STPG2: variants seen among roughly 807,000 people sequenced by gnomAD.
STPG2 encodes sperm tail PG-rich repeat containing 2.
A neutral mutation model predicts 54.2 loss-of-function variants in STPG2; 56 were observed. The ratio of observed to expected loss-of-function variants is 1.03; its 90% CI spans 0.83 to 1.29. The LOEUF (loss-of-function observed/expected upper bound fraction) is 1.29. Ranked by LOEUF, STPG2 falls within the 50% of genes most tolerant of loss-of-function variation. The probability of loss-of-function intolerance (pLI) is 0.00; values close to 1 mark genes in which losing one functional copy is unlikely to be tolerated. For synonymous variants in STPG2, 200 were observed against 181.8 expected (o/e 1.10, Z -0.81); for missense variants, 596 against 544.9 (o/e 1.09, Z -0.93).
chr4:97,669,100 T>C (rs892763344), intron 10 of STPG2, among the ~76,000 whole-genome samples: 1 of 152,078 alleles, frequency 6.6e-6, no homozygotes. Context: ...AATGTATACT[T>C]GGCAAATAGA....
At chr4:97,894,090 G>T (rs1489783007) in intron 8 of STPG2, among the ~76,000 whole-genome samples, 3 of 151,954 alleles carry the variant, frequency 2.0e-5, no homozygotes, top group Admixed American at 6.6e-5. Context: ...ATACTTTGCA[G>T]AAATCTAGAT....
intron 4 of STPG2, among the ~76,000 whole-genome samples, chr4:97,547,297 G>C (rs113297179): frequency 6.6e-6 from 1 of 150,770 alleles, no homozygotes; most frequent in Non-Finnish European, 1.5e-5. Context: ...TGCAAGCTCC[G>C]CCTCCTGGGT....
At chr4:97,637,497 A>G (rs1269563284) in intron 10 of STPG2, among the ~76,000 whole-genome samples, 1 of 152,176 alleles carries the variant, frequency 6.6e-6, no homozygotes, top group African/African-American at 2.4e-5. Context: ...GGCCAGGGCA[A>G]TTAGGCAGGA....
At chr4:97,525,701 C>T (rs1175511377) in intron 4 of STPG2, among the ~76,000 whole-genome samples, 1 of 151,748 alleles carries the variant, frequency 6.6e-6, no homozygotes, top group Non-Finnish European at 1.5e-5. Flanking sequence ...AGAAATGAAA[C>T]CAGAATGTCT....
intron 6 of STPG2, among the ~76,000 whole-genome samples, chr4:97,978,941 C>G (rs764168576): frequency 9.2e-5 from 14 of 152,080 alleles, no homozygotes; most frequent in Non-Finnish European, 1.6e-4. Flanking sequence ...TGGGCCTTTT[C>G]ACTTAGACAA....
At chr4:97,919,817 G>A (rs1732029605) in intron 8 of STPG2, among the ~76,000 whole-genome samples, 1 of 152,088 alleles carries the variant, frequency 6.6e-6, no homozygotes, top group Admixed American at 6.6e-5. Context: ...TAAGAACCCA[G>A]AATACCTTGA....
At position 98,094,505 on chromosome 4, in the gene STPG2, C is replaced by A. The variant is rs139238811; in HGVS notation, c.612+11448G>T. On this transcript the variant is annotated intron_variant, in intron 5 of 10. Coordinates refer to ENST00000295268, the MANE Select transcript of STPG2 (RefSeq NM_174952.3). ...AAGGGGACTTTGTCTCGCACCAACT[C>A]GACCAGTGGAGTAGAGCAACAAGCA... 8.1e-3 allele frequency among the ~76,000 whole-genome samples: 1,228 copies of A among 152,288 alleles called. 11 individuals carry two copies. Among genetic ancestry groups the A allele is most frequent in the Non-Finnish European group, 0.014 (921 of 68,002 alleles).
chr4:98,022,469 C>T (rs1258743965), intron 5 of STPG2, among the ~76,000 whole-genome samples: 2 of 152,164 alleles, frequency 1.3e-5, no homozygotes, highest in Non-Finnish European at 2.9e-5. Context: ...TTCATTTCAA[C>T]TTTGGTGAAT....
chr4:98,063,725 A>C (rs1232868120), intron 5 of STPG2, among the ~76,000 whole-genome samples: 3 of 151,994 alleles, frequency 2.0e-5, no homozygotes, highest in Non-Finnish European at 4.4e-5. Flanking sequence ...TAAAATAATA[A>C]TAACAAAAAT....
intron 5 of STPG2, among the ~76,000 whole-genome samples, chr4:98,105,410 C>A (rs544663957): frequency 6.6e-6 from 1 of 152,068 alleles, no homozygotes; most frequent in Non-Finnish European, 1.5e-5. Context: ...TTCCTCAGAG[C>A]GGCTGAGGGT....
chr4:98,033,008 C>A (rs561887760), intron 5 of STPG2, among the ~76,000 whole-genome samples: 2 of 152,014 alleles, frequency 1.3e-5, no homozygotes, highest in Non-Finnish European at 2.9e-5. Context: ...AAAATCAACA[C>A]CCTAACATCA....
chr4:97,613,645 T>C (rs1733788364), intron 10 of STPG2, among the ~76,000 whole-genome samples: 1 of 151,998 alleles, frequency 6.6e-6, no homozygotes, highest in African/African-American at 2.4e-5. Context: ...TTCTGCTTCA[T>C]TTGTTAAATC....
rs190734947 is a variant in STPG2, at chr4:97,945,172, T to C, written c.934-1165A>G. Among the ~76,000 whole-genome samples, 41 of 152,222 alleles carry C rather than the reference T, an allele frequency of 2.7e-4. 1 individual carries two copies. Among genetic ancestry groups the C allele is most frequent in the Admixed American group, 1.8e-3 (28 of 15,262 alleles). On this transcript the variant is annotated intron_variant, in intron 7 of 10. Coordinates refer to ENST00000295268, the MANE Select transcript of STPG2 (RefSeq NM_174952.3). ...CACCCATCACCCACGTAGTGTACAT[T>C]GTACCCAATAAGTAGTTTTTTATCC...
intron 8 of STPG2, among the ~76,000 whole-genome samples, chr4:97,852,499 T>C (rs1034355753): frequency 6.6e-6 from 1 of 152,190 alleles, no homozygotes; most frequent in African/African-American, 2.4e-5. Context: ...GGCATTTCTC[T>C]GTATTCTTTA....
At chr4:98,023,951 C>G (rs111350525) in intron 5 of STPG2, among the ~76,000 whole-genome samples, 2 of 152,256 alleles carry the variant, frequency 1.3e-5, no homozygotes, top group African/African-American at 2.4e-5. Flanking sequence ...CTTTGACTAG[C>G]AAAGGGAACT....
intron 8 of STPG2, among the ~76,000 whole-genome samples, chr4:97,858,987 T>C (rs906341095): frequency 1.3e-5 from 2 of 152,220 alleles, no homozygotes; most frequent in Admixed American, 1.3e-4. Flanking sequence ...CTTTCCATAG[T>C]GTTTGTACTA....
chr4:97,991,821 C>A (rs1735027970), intron 5 of STPG2, among the ~76,000 whole-genome samples: 1 of 152,094 alleles, frequency 6.6e-6, no homozygotes, highest in Non-Finnish European at 1.5e-5. Context: ...GGTGGTGTCA[C>A]ATTGTGATTT....
intron 10 of STPG2, among the ~76,000 whole-genome samples, chr4:97,626,413 A>G (rs550225608): frequency 6.6e-6 from 1 of 152,250 alleles, no homozygotes; most frequent in South Asian, 2.1e-4. Context: ...AGTCTTCCTT[A>G]ACTAACTCCT....
intron 10 of STPG2, among the ~76,000 whole-genome samples, chr4:97,700,137 C>T (rs1723722772): frequency 6.6e-6 from 1 of 152,150 alleles, no homozygotes; most frequent in Non-Finnish European, 1.5e-5. Flanking sequence ...CTTCAAAATC[C>T]TAGAGGTCTC....
Sources: allele counts gnomAD v4.1 joint callset (sites outside exome capture counted in the v4.1 genomes callset), GRCh38; gene constraint gnomAD v4.1.1; transcripts MANE v1.5; gene names NCBI Gene and HGNC (gene_info 2026-07-23, HGNC 2026-07-21).